Variants in PDE1A observed in about 807,000 individuals in gnomAD.
PDE1A encodes the protein phosphodiesterase 1A, also known as dual specificity calcium/calmodulin-dependent 3',5'-cyclic nucleotide phosphodiesterase 1A.
A neutral mutation model predicts 61.7 loss-of-function variants in PDE1A; 35 were observed. The ratio of observed to expected loss-of-function variants is 0.57; its 90% confidence interval spans 0.43 to 0.75. PDE1A has a LOEUF of 0.75. PDE1A is among the 30% of genes least tolerant of loss of function. PDE1A has a pLI of 0.00. For synonymous variants in PDE1A, 232 were observed against 213.2 expected (o/e 1.09, Z -0.77); for missense variants, 597 against 630.6 (o/e 0.95, Z 0.57).
At chr2:182,386,842 G>A (rs1330831765) in intron 1 of PDE1A, among the ~76,000 whole-genome samples, 1 of 146,464 alleles carries the variant, frequency 6.8e-6, no homozygotes, top group Non-Finnish European at 1.5e-5. Context: ...CTGGGAGGTG[G>A]GGGGCGCCTC....
chr2:182,687,133 C>G, the PDE1A span, among the ~76,000 whole-genome samples: 1 of 152,250 alleles, frequency 6.6e-6, no homozygotes, highest in African/African-American at 2.4e-5. Context: ...CAAAAGGCAG[C>G]AGAAACCTCT....
the PDE1A span, among the ~76,000 whole-genome samples, chr2:182,672,228 G>A: frequency 6.6e-6 from 1 of 152,130 alleles, no homozygotes; most frequent in Non-Finnish European, 1.5e-5. Context: ...CCTATTGGTT[G>A]AGAAAATACA....
chr2:182,679,120 T>C, the PDE1A span, among the ~76,000 whole-genome samples: 1 of 149,484 alleles, frequency 6.7e-6, no homozygotes, highest in Non-Finnish European at 1.5e-5. Flanking sequence ...TTCTCATGCC[T>C]CAGCCTCCTG....
At chr2:182,231,153 C>A in intron 4 of PDE1A, 22 bp from the exon 5 acceptor site, 1 of 1,168,322 alleles carries the variant, frequency 8.6e-7, no homozygotes, top group South Asian at 1.3e-5. Flanking sequence ...AGAATAAATA[C>A]TTTAGGTGCC....
intron 1 of PDE1A, among the ~76,000 whole-genome samples, chr2:182,382,261 A>C (rs560241431): frequency 6.6e-6 from 1 of 152,336 alleles, no homozygotes; most frequent in Admixed American, 6.5e-5. Flanking sequence ...CAGTGATATA[A>C]GAAGGCAGAA....
At chr2:182,486,826 A>C (rs1014619454) in intron 2 of PDE1A, among the ~76,000 whole-genome samples, 14 of 152,158 alleles carry the variant, frequency 9.2e-5, no homozygotes, top group Non-Finnish European at 1.9e-4. Context: ...TATTACAAAG[A>C]CTTCTAGTAG....
the PDE1A span, among the ~76,000 whole-genome samples, chr2:182,709,969 T>TC: frequency 2.6e-5 from 4 of 152,340 alleles, no homozygotes; most frequent in African/African-American, 9.6e-5. Flanking sequence ...TGATCTTGGC[T>TC]CACCACAACC....
At chr2:182,490,025 A>G (rs1367020837) in intron 2 of PDE1A, among the ~76,000 whole-genome samples, 1 of 56,914 alleles carries the variant, frequency 1.8e-5, no homozygotes, top group South Asian at 5.5e-4. Flanking sequence ...ACTGAGAAGG[A>G]GTAGCCAATG....
At chr2:182,587,185 CA>C in the PDE1A span, among the ~76,000 whole-genome samples, 3 of 152,172 alleles carry the variant, frequency 2.0e-5, no homozygotes, top group Middle Eastern at 3.2e-3. Context: ...CCAGGTCACA[CA>C]AGGTTTTGTG....
At chr2:182,701,737 C>T in the PDE1A span, among the ~76,000 whole-genome samples, 290 of 152,140 alleles carry the variant, frequency 1.9e-3, 3 homozygotes, top group African/African-American at 6.5e-3. Flanking sequence ...CCCAAACCAC[C>T]GATTCACTAT....
At chr2:182,305,313 A>G (rs560723301) in intron 1 of PDE1A, among the ~76,000 whole-genome samples, 3 of 152,058 alleles carry the variant, frequency 2.0e-5, no homozygotes, top group East Asian at 3.9e-4. Context: ...CCTCTACATC[A>G]TGAATAAGCC....
chr2:182,353,600 A>G (rs1699013094), intron 1 of PDE1A, among the ~76,000 whole-genome samples: 1 of 152,124 alleles, frequency 6.6e-6, no homozygotes, highest in East Asian at 1.9e-4. Context: ...TACAGCATGC[A>G]CAAATACACA....
At chr2:182,211,982 G>A (rs190502002) in intron 7 of PDE1A, among the ~76,000 whole-genome samples, 425 of 151,954 alleles carry the variant, frequency 2.8e-3, no homozygotes, top group South Asian at 0.011. Context: ...AGATTCATGG[G>A]AAGAGAGAAA....
intron 1 of PDE1A, among the ~76,000 whole-genome samples, chr2:182,410,753 C>A (rs1263713104): frequency 6.6e-6 from 1 of 152,136 alleles, no homozygotes; most frequent in Non-Finnish European, 1.5e-5. Flanking sequence ...TCCCATCAAG[C>A]TTTAATTGTT....
At chr2:182,182,947 G>A (rs1382286149) in intron 13 of PDE1A, among the ~76,000 whole-genome samples, 1 of 151,946 alleles carries the variant, frequency 6.6e-6, no homozygotes, top group East Asian at 1.9e-4. Context: ...TCTTAATCTG[G>A]TAATGTCTTT....
the PDE1A span, among the ~76,000 whole-genome samples, chr2:182,544,595 G>A: frequency 3.9e-5 from 6 of 151,964 alleles, no homozygotes; most frequent in African/African-American, 1.2e-4. Context: ...CGTGGAGATA[G>A]AATTTGTTTG....
intron 1 of PDE1A, among the ~76,000 whole-genome samples, chr2:182,266,318 T>C (rs947742412): frequency 6.6e-6 from 1 of 152,166 alleles, no homozygotes; most frequent in African/African-American, 2.4e-5. Context: ...AATGTGGTTA[T>C]AATGGATCAA....
At chr2:182,155,188 T>C (rs985493713) in intron 13 of PDE1A, among the ~76,000 whole-genome samples, 3 of 151,400 alleles carry the variant, frequency 2.0e-5, no homozygotes, top group Admixed American at 1.3e-4. Context: ...CTGGGCTCAG[T>C]TGATCCTCCC....
At chr2:182,689,298 C>T in the PDE1A span, among the ~76,000 whole-genome samples, 698 of 152,094 alleles carry the variant, frequency 4.6e-3, 6 homozygotes, top group African/African-American at 0.016. Context: ...CCTCAGCAAA[C>T]GTAAAAGAAC....
Sources: gnomAD v4.1 joint callset for allele counts (sites outside exome capture counted in the v4.1 genomes callset) on GRCh38, gnomAD v4.1.1 for gene constraint, MANE v1.5 for transcripts, NCBI Gene and HGNC (gene_info 2026-07-23, HGNC 2026-07-21) for gene names.